Variants in POR observed in about 807,000 individuals in gnomAD.
POR encodes NADPH--cytochrome P450 reductase.
In POR, 56 loss-of-function variants were observed where a neutral mutation model predicts 84.0. The ratio of observed to expected loss-of-function variants is 0.67; its 90% CI spans 0.54 to 0.83. The LOEUF (loss-of-function observed/expected upper bound fraction) is 0.83, where lower values mean the gene tolerates loss of function less well. POR is among the 40% of genes least tolerant of loss of function. POR has a pLI of 0.00. For synonymous variants in POR, 414 were observed against 400.5 expected (o/e 1.03, Z -0.40); for missense variants, 938 against 944.3 (o/e 0.99, Z 0.09).
intron 2 of POR, among the ~76,000 whole-genome samples, chr7:75,957,004 G>A (rs1787716513): frequency 6.6e-6 from 1 of 152,236 alleles, no homozygotes; most frequent in Non-Finnish European, 1.5e-5. Context: ...GGGATTATAG[G>A]CGTGAGCCAC....
intron 1 of POR, among the ~76,000 whole-genome samples, chr7:75,940,137 G>A (rs1028828373): frequency 4.2e-4 from 64 of 152,046 alleles, no homozygotes; most frequent in Admixed American, 4.2e-3. Flanking sequence ...AGGCTGGAGT[G>A]CAATGGTGTC....
chr7:75,919,735 T>A (rs1377878373), intron 1 of POR, among the ~76,000 whole-genome samples: 1 of 152,066 alleles, frequency 6.6e-6, no homozygotes, highest in Non-Finnish European at 1.5e-5. Context: ...GCAACTCAGT[T>A]GATGCTTGGA....
chr7:75,972,732 T>G, intron 3 of POR: 5 of 523,590 alleles, frequency 9.5e-6, no homozygotes, highest in Non-Finnish European at 1.0e-5. Flanking sequence ...ACGAAGCTTC[T>G]CCCGTCTGGC....
At chr7:75,981,732 G>T in intron 7 of POR, 126 bp downstream of exon 7, 6 of 795,074 alleles carry the variant, frequency 7.5e-6, no homozygotes, top group Non-Finnish European at 1.2e-5. Flanking sequence ...TAGGGTCGAG[G>T]AGGGACCTTG....
intron 3 of POR, among the ~76,000 whole-genome samples, chr7:75,978,518 A>G (rs1788803534): frequency 6.6e-6 from 1 of 152,010 alleles, no homozygotes; most frequent in Non-Finnish European, 1.5e-5. Flanking sequence ...GCATCCTTGG[A>G]TTTTTGTTTT....
At position 75,984,707 on chromosome 7, in the gene POR, C is replaced by T. The variant is rs1320656966; in HGVS notation, c.1067-70C>T. 9.2e-6 allele frequency: 13 copies of T among 1,410,232 alleles called. No individual in the cohort carries two copies. In the East Asian group the frequency reaches 2.5e-4, roughly 27 times the overall value. 87.4% of individuals were successfully genotyped at this position (1,410,232 alleles called of 1,614,324 possible). On this transcript the variant is annotated intron_variant, in intron 10 of 15. Coordinates refer to ENST00000461988, the MANE Select transcript of POR (RefSeq NM_000941.3). ...CAGAGCTGGCCCAAGGTGTCACCCC[C>T]TCCTGCCGCAGCCACCCATCCCCAG...
At chr7:75,981,203 G>C (rs113107219) in intron 6 of POR, 31 bp downstream of exon 6, 1 of 1,509,654 alleles carries the variant, frequency 6.6e-7, no homozygotes, top group South Asian at 1.3e-5. Flanking sequence ...CATGATCAGC[G>C]CGGCGGGCTT....
chr7:75,982,203 C>T, intron 7 of POR, 21 bp from the exon 8 acceptor site: 4 of 1,594,928 alleles, frequency 2.5e-6, no homozygotes, highest in Non-Finnish European at 3.4e-6. Context: ...CCCGGCCTCA[C>T]CCTTGGTCTC....
chr7:75,957,666 C>G (rs1320028820), intron 2 of POR, among the ~76,000 whole-genome samples: 6 of 152,146 alleles, frequency 3.9e-5, no homozygotes, highest in Non-Finnish European at 7.3e-5. Flanking sequence ...TGTAGGGTCC[C>G]AAAGCACTTG....
intron 3 of POR, chr7:75,972,798 T>G: frequency 2.8e-6 from 1 of 361,790 alleles, no homozygotes; most frequent in Non-Finnish European, 5.2e-6. Context: ...GTGGCACCAC[T>G]GCCATTTTCT....
At chr7:75,931,402 T>C (rs1554550124) in intron 1 of POR, among the ~76,000 whole-genome samples, 1 of 151,830 alleles carries the variant, frequency 6.6e-6, no homozygotes, top group African/African-American at 2.4e-5. Flanking sequence ...AGTCTCCCTC[T>C]CTCACGCAGG....
At chr7:75,985,482 C>T in intron 12 of POR, 97 bp from the exon 13 acceptor site, 1 of 1,391,046 alleles carries the variant, frequency 7.2e-7, no homozygotes, top group Non-Finnish European at 9.5e-7. Flanking sequence ...TGGAAGAGGC[C>T]CTGGGTGAGT....
intron 2 of POR, among the ~76,000 whole-genome samples, chr7:75,969,934 A>AC (rs1563423339): frequency 8.5e-5 from 13 of 152,230 alleles, no homozygotes; most frequent in Admixed American, 7.8e-4. Context: ...TGTGTGTGCC[A>AC]CAGCGAAGAC....
chr7:75,983,009 G>A (rs1253467201), intron 8 of POR, among the ~76,000 whole-genome samples: 1 of 152,160 alleles, frequency 6.6e-6, no homozygotes, highest in Non-Finnish European at 1.5e-5. Context: ...AACAGACACT[G>A]ATGACCCAGC....
intron 8 of POR, 39 bp from the exon 9 acceptor site, chr7:75,983,481 G>A (rs782241684): frequency 1.4e-5 from 21 of 1,461,382 alleles, no homozygotes; most frequent in Non-Finnish European, 1.8e-5. Context: ...TCAGATCAAA[G>A]CCCCGGCCGC....
rs78504117 is a variant in POR at position 75,929,263 on chromosome 7, A to T, written c.-5+14084A>T. 9.5e-3 allele frequency among the ~76,000 whole-genome samples: 1,447 copies of T among 152,118 alleles called. 25 individuals are homozygous for T. Among genetic ancestry groups the T allele is most frequent in the African/African-American group, 0.03 (1,259 of 41,506 alleles). The stretch of plus-strand genomic sequence containing the variant: ...AGATGACCTAGAGTTGGTGCTCAGT[A>T]CACTTTTTTTGTTTTTTTGAGACCG... On this transcript the variant is annotated intron_variant, in intron 1 of 15. Coordinates refer to ENST00000461988, the MANE Select transcript of POR (RefSeq NM_000941.3).
intron 1 of POR, among the ~76,000 whole-genome samples, chr7:75,942,788 G>GA (rs1417427539): frequency 1.3e-5 from 2 of 151,796 alleles, no homozygotes; most frequent in South Asian, 2.1e-4. Context: ...TAATTTCATT[G>GA]AAATGACTTT....
intron 3 of POR, among the ~76,000 whole-genome samples, chr7:75,979,145 A>G (rs1172663336): frequency 6.6e-6 from 1 of 152,138 alleles, no homozygotes; most frequent in African/African-American, 2.4e-5. Flanking sequence ...CCATTCCCCC[A>G]CGGATAGGGG....
At chr7:75,965,758 G>A (rs1788152335) in intron 2 of POR, among the ~76,000 whole-genome samples, 1 of 152,188 alleles carries the variant, frequency 6.6e-6, no homozygotes, top group African/African-American at 2.4e-5. Flanking sequence ...GGCTTTCTGA[G>A]CTTCACAGAC....
Sources: allele counts gnomAD v4.1 joint callset (sites outside exome capture counted in the v4.1 genomes callset), GRCh38; gene constraint gnomAD v4.1.1; transcripts MANE v1.5; gene names NCBI Gene and HGNC (gene_info 2026-07-23, HGNC 2026-07-21).